GPC3: variants seen among roughly 807,000 people sequenced by gnomAD.
GPC3 encodes glypican 3.
In GPC3, 3 loss-of-function variants were observed where a neutral mutation model predicts 34.4. The observed-to-expected ratio is 0.09, with a 90% CI of 0.04 to 0.23. GPC3 has a LOEUF of 0.23. GPC3 is among the 10% of genes least tolerant of loss of function. The pLI is 1.00. For synonymous variants in GPC3, 177 were observed against 174.0 expected (o/e 1.02, Z -0.13); for missense variants, 351 against 445.6 (o/e 0.79, Z 1.91).
At chrX:133,896,326 A>C (rs1346087056) in intron 2 of GPC3, among the ~76,000 whole-genome samples, 1 of 106,959 alleles carries the variant, frequency 9.3e-6, no homozygotes, top group Non-Finnish European at 1.9e-5. Flanking sequence ...GTGCCATTGC[A>C]CTCCAGCCTA....
chrX:133,903,458 G>A (rs1023898471), intron 2 of GPC3, among the ~76,000 whole-genome samples: 3 of 109,914 alleles, frequency 2.7e-5, no homozygotes, highest in Non-Finnish European at 5.7e-5. Context: ...GCGCAGTGGC[G>A]TGCACCTGTA....
intron 2 of GPC3, among the ~76,000 whole-genome samples, chrX:133,836,669 C>T (rs1179781019): frequency 8.9e-6 from 1 of 112,399 alleles, no homozygotes; most frequent in African/African-American, 3.2e-5. Flanking sequence ...GACCAAGTTA[C>T]ATCCTCCCAA....
chrX:133,569,000 C>A (rs1164151764), intron 7 of GPC3, among the ~76,000 whole-genome samples: 1 of 110,598 alleles, frequency 9.0e-6, no homozygotes, highest in African/African-American at 3.3e-5. Context: ...AACCCTGTAT[C>A]TACAAAAAAT....
intron 7 of GPC3, among the ~76,000 whole-genome samples, chrX:133,576,254 T>C (rs1434889320): frequency 1.8e-5 from 2 of 110,968 alleles, no homozygotes; most frequent in African/African-American, 6.6e-5. Context: ...GTTTGTTTGT[T>C]TTTTCCTGAG....
chrX:133,691,959 C>T (rs963128804), intron 5 of GPC3, among the ~76,000 whole-genome samples: 1 of 112,416 alleles, frequency 8.9e-6, no homozygotes, highest in African/African-American at 3.2e-5. Context: ...TAGATGTTTT[C>T]TCTTTTTCTT....
chrX:133,780,081 A>G (rs1033797008), intron 2 of GPC3, among the ~76,000 whole-genome samples: 51 of 111,862 alleles, frequency 4.6e-4, no homozygotes, highest in Non-Finnish European at 7.9e-4. Context: ...GGCTGGGGCG[A>G]GGCTGGGAAA....
rs186619000 is a variant in GPC3 at position 133,630,890 on chromosome X, T to C, written c.1413+30840A>G. 4.1e-4 allele frequency among the ~76,000 whole-genome samples: 46 copies of C among 112,046 alleles called. No homozygotes were observed. The East Asian group carries it at 0.011, about 27-fold the overall frequency. Reference sequence around the variant, plus strand: ...ATATTTCCTAAAGTGTGTTCCTTAATATATTTTGCTAGTCCCATAATATAT... The same window carrying C: ...ATATTTCCTAAAGTGTGTTCCTTAACATATTTTGCTAGTCCCATAATATAT... On this transcript the variant is annotated intron_variant, in intron 6 of 7. Coordinates refer to ENST00000370818, the MANE Select transcript of GPC3 (RefSeq NM_004484.4).
At chrX:133,822,071 T>C (rs1282077785) in intron 2 of GPC3, among the ~76,000 whole-genome samples, 2 of 111,868 alleles carry the variant, frequency 1.8e-5, no homozygotes, top group Non-Finnish European at 3.8e-5. Flanking sequence ...AATCTGAAAA[T>C]ATTAAACAAA....
chrX:133,586,550 T>C (rs112729018), intron 7 of GPC3, among the ~76,000 whole-genome samples: 6,961 of 111,327 alleles, frequency 0.063, 570 homozygotes, highest in African/African-American at 0.21. Context: ...TCTTGACCCT[T>C]CCCAACTCGT....
intron 2 of GPC3, among the ~76,000 whole-genome samples, chrX:133,842,482 G>A (rs2075830342): frequency 9.3e-6 from 1 of 107,832 alleles, no homozygotes; most frequent in Non-Finnish European, 1.9e-5. Context: ...AGAGAACCCT[G>A]ACTAATACAG....
At chrX:133,847,629 A>T (rs1030388186) in intron 2 of GPC3, among the ~76,000 whole-genome samples, 11 of 112,270 alleles carry the variant, frequency 9.8e-5, no homozygotes, top group African/African-American at 3.6e-4. Context: ...ACGTATCTAC[A>T]AACAGGAAAT....
At chrX:133,771,017 T>C (rs1405736461) in intron 2 of GPC3, among the ~76,000 whole-genome samples, 1 of 111,299 alleles carries the variant, frequency 9.0e-6, no homozygotes. Flanking sequence ...GTATACACTA[T>C]GAGGGCTCAA....
chrX:133,984,024 TAACC>T (rs1402852273), intron 1 of GPC3, among the ~76,000 whole-genome samples: 2 of 113,208 alleles, frequency 1.8e-5, no homozygotes, highest in African/African-American at 6.4e-5. Context: ...GCTGCCTAGG[TAACC>T]TCCTACCAGT....
At chrX:133,794,719 T>G (rs1294506443) in intron 2 of GPC3, among the ~76,000 whole-genome samples, 1 of 112,036 alleles carries the variant, frequency 8.9e-6, no homozygotes, top group African/African-American at 3.2e-5. Context: ...CCACTGTAAA[T>G]GCACTTCCTT....
At chrX:133,960,744 C>T (rs1049464347) in intron 1 of GPC3, among the ~76,000 whole-genome samples, 7 of 110,128 alleles carry the variant, frequency 6.4e-5, no homozygotes, top group Non-Finnish European at 1.3e-4. Context: ...AATAATAATG[C>T]ATTATCATTA....
chrX:133,608,669 G>A (rs749201018), intron 6 of GPC3, among the ~76,000 whole-genome samples: 3 of 111,471 alleles, frequency 2.7e-5, no homozygotes, highest in East Asian at 2.8e-4. Context: ...TCAATGACTG[G>A]GGGACATCGG....
In GPC3 at chrX:133,982,793, G is replaced by A. The variant is rs778303427; in HGVS notation, c.175+2482C>T. Reference sequence around the variant, plus strand: ...ACATGGCTTAAAATATGGATGCAGAGGGGGGAAAGTCAAGCGGTCATCATG... The same window carrying A: ...ACATGGCTTAAAATATGGATGCAGAAGGGGGAAAGTCAAGCGGTCATCATG... On this transcript the variant is annotated intron_variant, in intron 1 of 7. Coordinates refer to ENST00000370818, the MANE Select transcript of GPC3 (RefSeq NM_004484.4). 3.6e-5 allele frequency among the ~76,000 whole-genome samples: 4 copies of A among 112,038 alleles called. No homozygotes were observed. The South Asian group carries it at 1.5e-3, about 42-fold the overall frequency.
chrX:133,638,454 G>A (rs1364733230), intron 6 of GPC3, among the ~76,000 whole-genome samples: 2 of 111,585 alleles, frequency 1.8e-5, no homozygotes, highest in Admixed American at 9.6e-5. Flanking sequence ...AGTTGGAGCG[G>A]GGGCCAAGCA....
chrX:133,697,230 A>T (rs1348740789), intron 4 of GPC3, among the ~76,000 whole-genome samples: 1 of 112,269 alleles, frequency 8.9e-6, no homozygotes, highest in Non-Finnish European at 1.9e-5. Flanking sequence ...GTAAAGTAAT[A>T]TGAGCTTATT....
Sources: gnomAD v4.1 joint callset for allele counts (sites outside exome capture counted in the v4.1 genomes callset) on GRCh38, gnomAD v4.1.1 for gene constraint, MANE v1.5 for transcripts, NCBI Gene and HGNC (gene_info 2026-07-23, HGNC 2026-07-21) for gene names.